Variants in CFAP53 observed in about 807,000 individuals in gnomAD.
CFAP53 encodes the protein cilia- and flagella-associated protein 53.
Under a neutral mutation model 59.7 loss-of-function variants are expected in CFAP53, and 62 were observed. The ratio of observed to expected loss-of-function variants is 1.04; its 90% CI spans 0.85 to 1.28. The LOEUF is 1.28. Among genes scored for constraint, CFAP53 ranks in the 50% most tolerant of loss-of-function variants. The pLI is 0.00. For synonymous variants in CFAP53, 218 were observed against 205.7 expected, an observed-to-expected ratio of 1.06 and a Z score of -0.51; for missense variants, 629 against 615.6, an observed-to-expected ratio of 1.02 and a Z score of -0.23.
At position 50,233,279 on chromosome 18, in the gene CFAP53, T is replaced by TA. The variant is rs993854995; in HGVS notation, c.1316+5323dup. On this transcript the variant is annotated intron_variant, in intron 7 of 7. Transcript: ENST00000398545. Reference sequence around the variant, plus strand: ...AGAATTTTTAAACCTCCCTTAAAAATAAAAAATAAATAAATAAATCCAACA... The same window carrying TA: ...AGAATTTTTAAACCTCCCTTAAAAATAAAAAAATAAATAAATAAATCCAACA... Among the ~76,000 whole-genome samples the TA allele has an allele frequency of 1.4e-3, 207 of 152,254 alleles. 1 individual carries two copies. Among genetic ancestry groups the TA allele is most frequent in the African/African-American group, 4.5e-3 (186 of 41,548 alleles).
intron 5 of CFAP53, among the ~76,000 whole-genome samples, chr18:50,250,151 C>T (rs1568155927): frequency 1.4e-5 from 2 of 146,136 alleles, no homozygotes; most frequent in African/African-American, 2.5e-5. Context: ...CCCAGGAGGG[C>T]GAGGCTACAG....
chr18:50,266,284 T>G lies in CFAP53; in HGVS notation c.69+52A>C, dbSNP rs2033974185. ...GAAGTGGGATAGGCCAGGCCTGGAG[T>G]GCGGAGAGATGGAGAAAGCTGTAGG... On this transcript the variant is annotated intron_variant, in intron 1 of 7. Transcript: ENST00000398545. 1.9e-6 allele frequency: 3 copies of G among 1,574,966 alleles called. No individual in the cohort carries two copies. In the African/African-American group the frequency reaches 4.1e-5, roughly 21 times the overall value.
Position 50,265,029 on chromosome 18 carries a change from A to G in CFAP53, c.69+1307T>C, listed in dbSNP as rs560708211. Among the ~76,000 whole-genome samples the G allele has an allele frequency of 3.9e-5, 6 of 152,378 alleles. No individual in the cohort carries two copies. The South Asian group carries it at 1.2e-3, about 32-fold the overall frequency. On this transcript the variant is annotated intron_variant, in intron 1 of 7. Transcript: ENST00000398545. ...AAGTTTGCTATGTGCACTGTGGAGCATAATAAAACTGTATCACTGATCTTT... is the reference window on the plus strand; with the variant it reads ...AAGTTTGCTATGTGCACTGTGGAGCGTAATAAAACTGTATCACTGATCTTT...
chr18:50,265,285 AAC>A (rs1028920062), intron 1 of CFAP53, among the ~76,000 whole-genome samples: 3 of 152,240 alleles, frequency 2.0e-5, no homozygotes, highest in African/African-American at 7.2e-5. Flanking sequence ...TCACAGTCAA[AAC>A]ACAAGCAAAC....
At chr18:50,259,768 A>G (rs1235614928) in intron 3 of CFAP53, among the ~76,000 whole-genome samples, 1 of 152,078 alleles carries the variant, frequency 6.6e-6, no homozygotes, top group Non-Finnish European at 1.5e-5. Flanking sequence ...AGGTCCCACT[A>G]TGTTGCCCAG....
At chr18:50,256,460 C>G (rs2033847651) in intron 3 of CFAP53, 1 of 152,182 alleles carries the variant, frequency 6.6e-6, no homozygotes, top group South Asian at 2.1e-4. Flanking sequence ...CATCTACAAG[C>G]CAAGGAGGGT....
At chr18:50,251,409 C>T in intron 4 of CFAP53, 72 bp downstream of exon 4, 1 of 1,350,062 alleles carries the variant, frequency 7.4e-7, no homozygotes, top group African/African-American at 1.4e-5. Flanking sequence ...ACAAACTGTA[C>T]TGTAACAGGC....
At chr18:50,240,642 G>A (rs756836206) in intron 6 of CFAP53, among the ~76,000 whole-genome samples, 8 of 152,144 alleles carry the variant, frequency 5.3e-5, no homozygotes, top group South Asian at 2.1e-4. Context: ...ACTTTTCCTC[G>A]TGGCACTGAT....
At chr18:50,242,406 G>C (rs2033698902) in intron 6 of CFAP53, among the ~76,000 whole-genome samples, 1 of 152,158 alleles carries the variant, frequency 6.6e-6, no homozygotes, top group Non-Finnish European at 1.5e-5. Flanking sequence ...TATGTTCAGA[G>C]ATTGCAGTAA....
chr18:50,262,419 A>T (rs1455620397), intron 1 of CFAP53, among the ~76,000 whole-genome samples, 200 bp from the exon 2 acceptor site: 1 of 152,244 alleles, frequency 6.6e-6, no homozygotes, highest in Non-Finnish European at 1.5e-5. Flanking sequence ...AGATGTCATC[A>T]AAACAGTCTC....
At chr18:50,236,109 T>A (rs1001214662) in intron 7 of CFAP53, among the ~76,000 whole-genome samples, 1 of 152,198 alleles carries the variant, frequency 6.6e-6, no homozygotes, top group African/African-American at 2.4e-5. Context: ...CTGCTTAACA[T>A]CAAATGTTTC....
chr18:50,251,070 G>A, intron 4 of CFAP53, 94 bp from the exon 5 acceptor site: 2 of 1,004,498 alleles, frequency 2.0e-6, no homozygotes, highest in Non-Finnish European at 1.5e-6. Flanking sequence ...AAGGATTTCT[G>A]GAAATACACA....
intron 3 of CFAP53, among the ~76,000 whole-genome samples, chr18:50,254,184 C>G (rs111678035): frequency 3.1e-4 from 44 of 140,982 alleles, no homozygotes; most frequent in African/African-American, 1.1e-3. Flanking sequence ...ACGTATCGGA[C>G]AAAGAAGTAC....
rs547759751 is a variant in CFAP53, at chr18:50,264,224, G to T, written c.70-2005C>A. 1.5e-3 allele frequency among the ~76,000 whole-genome samples: 235 copies of T among 152,284 alleles called. 1 individual carries two copies. The Middle Eastern group carries it at 0.017, about 11-fold the overall frequency. On this transcript the variant is annotated intron_variant, in intron 1 of 7. Coordinates refer to ENST00000398545, the MANE Select transcript of CFAP53 (RefSeq NM_145020.5). ...ATTGGACATCACAGCTCTAAACCAT[G>T]CTAAAGTCAGGAAAACACAGGATAT...
intron 5 of CFAP53, among the ~76,000 whole-genome samples, chr18:50,247,445 T>C (rs980778022): frequency 3.3e-5 from 5 of 152,216 alleles, no homozygotes; most frequent in African/African-American, 1.2e-4. Flanking sequence ...CCAGTAGTAC[T>C]ACTTCTAGAT....
intron 7 of CFAP53, among the ~76,000 whole-genome samples, chr18:50,234,054 A>T (rs1399076618): frequency 6.6e-6 from 1 of 151,922 alleles, no homozygotes; most frequent in Non-Finnish European, 1.5e-5. Flanking sequence ...TGCATCAGAA[A>T]CTCCAAAGGG....
At chr18:50,254,418 A>G (rs539112452) in intron 3 of CFAP53, among the ~76,000 whole-genome samples, 9 of 152,310 alleles carry the variant, frequency 5.9e-5, no homozygotes, top group African/African-American at 2.2e-4. Context: ...CCATGATGAG[A>G]TATCACAGCA....
chr18:50,257,976 G>A (rs4530242), intron 3 of CFAP53, among the ~76,000 whole-genome samples: 134,771 of 152,114 alleles, frequency 0.89, 59,953 homozygotes, highest in East Asian at 0.97. Context: ...CAGAGGTTGC[G>A]GGGAGCTGAG....
At chr18:50,266,266 GATA>G (rs2033973556) in intron 1 of CFAP53, 67 bp downstream of exon 1, 23 of 1,484,578 alleles carry the variant, frequency 1.5e-5, no homozygotes, top group Non-Finnish European at 2.1e-5. Flanking sequence ...GCCGAAGTGG[GATA>G]GGCCAGGCCT....
Sources: allele counts gnomAD v4.1 joint callset (sites outside exome capture counted in the v4.1 genomes callset), GRCh38; gene constraint gnomAD v4.1.1; transcripts MANE v1.5; gene names NCBI Gene and HGNC (gene_info 2026-07-23, HGNC 2026-07-21).